The following NLGN1 variants were observed in gnomAD, a reference collection of about 807,000 sequenced individuals.
NLGN1 encodes the protein neuroligin 1.
A neutral mutation model predicts 65.5 loss-of-function variants in NLGN1; 12 were observed. That is an observed-to-expected ratio of 0.18 (90% CI 0.12 to 0.30). The LOEUF (loss-of-function observed/expected upper bound fraction) is 0.30. NLGN1 is among the 10% of genes least tolerant of loss of function. NLGN1 has a pLI of 1.00. For synonymous variants in NLGN1, 350 were observed against 359.5 expected (o/e 0.97, Z 0.30); for missense variants, 750 against 1,007.1 (o/e 0.74, Z 3.46).
chr3:174,082,881 C>T (rs1580200626), intron 4 of NLGN1, among the ~76,000 whole-genome samples: 2 of 151,954 alleles, frequency 1.3e-5, no homozygotes, highest in Non-Finnish European at 2.9e-5. Flanking sequence ...CCACCACGCC[C>T]GGCTAATTTT....
At position 173,801,901 on chromosome 3, in the gene NLGN1, T is replaced by C. The variant is rs962495101; in HGVS notation, c.494-5779T>C. ...CAAACATTCAGGATATTTTGTGACA[T>C]TGTAGAACATTAATTACTGTTTCCA... On this transcript the variant is annotated intron_variant, in intron 3 of 6. Transcript: ENST00000457714. Among the ~76,000 whole-genome samples, 3 of 152,244 alleles carry C rather than the reference T, an allele frequency of 2.0e-5. No homozygotes were observed. The East Asian group carries it at 5.8e-4, about 29-fold the overall frequency.
At chr3:174,290,255 C>G (rs1752616279), downstream of NLGN1, among the ~76,000 whole-genome samples, 1 of 150,486 alleles carries the variant, frequency 6.6e-6, no homozygotes, top group Non-Finnish European at 1.5e-5. Context: ...CTATTGTAAT[C>G]AAAACAGTGT....
intron 4 of NLGN1, among the ~76,000 whole-genome samples, chr3:174,186,279 T>G (rs1048893998): frequency 2.0e-5 from 3 of 152,098 alleles, no homozygotes; most frequent in Non-Finnish European, 4.4e-5. Context: ...TGCCATTCTA[T>G]AAAGTCCCAT....
chr3:173,724,156 A>G (rs1161168451), intron 3 of NLGN1, among the ~76,000 whole-genome samples: 3 of 152,236 alleles, frequency 2.0e-5, no homozygotes, highest in Non-Finnish European at 4.4e-5. Context: ...TCTAAAGTTC[A>G]CAGAAGTAGA....
chr3:173,632,327 G>T (rs77913625), intron 3 of NLGN1, among the ~76,000 whole-genome samples: 10 of 152,258 alleles, frequency 6.6e-5, no homozygotes, highest in African/African-American at 2.2e-4. Flanking sequence ...CATTTGTTCT[G>T]CTTCATTTTC....
chr3:174,046,230 GA>G (rs1472781276), intron 4 of NLGN1, among the ~76,000 whole-genome samples: 15 of 152,104 alleles, frequency 9.9e-5, no homozygotes, highest in African/African-American at 3.6e-4. Flanking sequence ...TACAAAAAAT[GA>G]CAATAGTATT....
At chr3:173,723,741 A>T (rs1560239242) in intron 3 of NLGN1, among the ~76,000 whole-genome samples, 1 of 152,202 alleles carries the variant, frequency 6.6e-6, no homozygotes, top group Non-Finnish European at 1.5e-5. Flanking sequence ...TGAGAGAAGA[A>T]GTCATGATTT....
At chr3:173,555,089 T>G (rs1394112259) in intron 2 of NLGN1, among the ~76,000 whole-genome samples, 5 of 152,190 alleles carry the variant, frequency 3.3e-5, no homozygotes, top group Admixed American at 2.6e-4. Context: ...ATTTGCCCAT[T>G]TTTATTGAGC....
At chr3:173,755,704 G>C (rs541606863) in intron 3 of NLGN1, among the ~76,000 whole-genome samples, 11 of 152,132 alleles carry the variant, frequency 7.2e-5, no homozygotes, top group Non-Finnish European at 1.3e-4. Flanking sequence ...TAAGGAGGGA[G>C]ACCCAAATCA....
chr3:174,153,475 T>C (rs946659536), intron 4 of NLGN1, among the ~76,000 whole-genome samples: 1 of 152,154 alleles, frequency 6.6e-6, no homozygotes, highest in Non-Finnish European at 1.5e-5. Context: ...ATATTGTCTG[T>C]CCAGAGGTCT....
At chr3:174,234,675 C>T (rs1741333965) in intron 4 of NLGN1, among the ~76,000 whole-genome samples, 1 of 152,138 alleles carries the variant, frequency 6.6e-6, no homozygotes, top group African/African-American at 2.4e-5. Context: ...TAACAACTGC[C>T]TATCACCTGA....
intron 4 of NLGN1, among the ~76,000 whole-genome samples, chr3:174,056,803 C>G (rs548118263): frequency 3.3e-5 from 5 of 151,962 alleles, no homozygotes; most frequent in African/African-American, 1.2e-4. Flanking sequence ...TCACTTATTA[C>G]GGTAAACATG....
At chr3:173,680,838 A>C (rs1290249287) in intron 3 of NLGN1, among the ~76,000 whole-genome samples, 2 of 152,210 alleles carry the variant, frequency 1.3e-5, no homozygotes, top group African/African-American at 4.8e-5. Context: ...GTTCTGAACA[A>C]AGAACTAATG....
intron 4 of NLGN1, among the ~76,000 whole-genome samples, chr3:173,808,920 T>G (rs893593150): frequency 2.0e-5 from 3 of 152,192 alleles, no homozygotes; most frequent in African/African-American, 7.2e-5. Context: ...GTAACTCCTA[T>G]GTAATCATAA....
intron 4 of NLGN1, among the ~76,000 whole-genome samples, chr3:174,017,508 G>T (rs1380630117): frequency 2.0e-5 from 3 of 152,078 alleles, no homozygotes; most frequent in Non-Finnish European, 4.4e-5. Context: ...ATTTATTGAG[G>T]TTCTTTCAGG....
chr3:174,096,715 T>G (rs1745601783), intron 4 of NLGN1, among the ~76,000 whole-genome samples: 1 of 152,180 alleles, frequency 6.6e-6, no homozygotes, highest in Non-Finnish European at 1.5e-5. Flanking sequence ...TAAGTTTTTA[T>G]TAGATGTGAT....
intron 2 of NLGN1, among the ~76,000 whole-genome samples, chr3:173,574,838 G>A (rs1281340113): frequency 6.6e-6 from 1 of 152,198 alleles, no homozygotes; most frequent in Non-Finnish European, 1.5e-5. Flanking sequence ...GCCCTTGGAT[G>A]CAGTTAAGAT....
chr3:173,702,448 T>C (rs1177937421), intron 3 of NLGN1, among the ~76,000 whole-genome samples: 1 of 152,126 alleles, frequency 6.6e-6, no homozygotes. Flanking sequence ...CATAAACAAA[T>C]GTAATTATAA....
chr3:174,155,035 A>C (rs1725180898), intron 4 of NLGN1, among the ~76,000 whole-genome samples: 1 of 139,372 alleles, frequency 7.2e-6, no homozygotes, highest in South Asian at 2.1e-4. Flanking sequence ...AAATTATAAT[A>C]ATATAATTTA....
Sources: allele counts gnomAD v4.1 joint callset (sites outside exome capture counted in the v4.1 genomes callset), GRCh38; gene constraint gnomAD v4.1.1; transcripts MANE v1.5; gene names NCBI Gene and HGNC (gene_info 2026-07-23, HGNC 2026-07-21).